Variants in INPP4B observed in about 807,000 individuals in gnomAD.
The protein encoded by INPP4B is inositol polyphosphate 4-phosphatase type II.
INPP4B carries 55 observed loss-of-function variants against 122.5 expected under a neutral mutation model. The ratio of observed to expected loss-of-function variants is 0.45; its 90% confidence interval spans 0.36 to 0.56. INPP4B has a LOEUF of 0.56. INPP4B is among the 20% of genes least tolerant of loss of function. The probability of loss-of-function intolerance (pLI) is 0.00; values close to 1 mark genes in which losing one functional copy is unlikely to be tolerated. For synonymous variants in INPP4B, 403 were observed against 388.7 expected (o/e 1.04, Z -0.43); for missense variants, 1,000 against 1,097.7 (o/e 0.91, Z 1.26).
At chr4:142,214,610 T>A (rs971941999) in intron 12 of INPP4B, among the ~76,000 whole-genome samples, 2 of 152,190 alleles carry the variant, frequency 1.3e-5, no homozygotes, top group Non-Finnish European at 2.9e-5. Context: ...TGAAATACGG[T>A]GGTGTGATCT....
intron 2 of INPP4B, among the ~76,000 whole-genome samples, chr4:142,488,521 A>G (rs1314974886): frequency 6.6e-6 from 1 of 152,076 alleles, no homozygotes; most frequent in African/African-American, 2.4e-5. Context: ...AGTTTTCTCT[A>G]TGAGAATGTT....
At chr4:142,653,180 C>A (rs557811391) in intron 2 of INPP4B, among the ~76,000 whole-genome samples, 1 of 152,256 alleles carries the variant, frequency 6.6e-6, no homozygotes, top group Admixed American at 6.5e-5. Flanking sequence ...ATGCAGAAAG[C>A]TGAAACTGGA....
chr4:142,682,346 G>A (rs1005626710), intron 2 of INPP4B, among the ~76,000 whole-genome samples: 121 of 151,106 alleles, frequency 8.0e-4, no homozygotes, highest in African/African-American at 2.8e-3. Context: ...GCTTGAACAC[G>A]GATTATAAAA....
intron 7 of INPP4B, among the ~76,000 whole-genome samples, chr4:142,386,185 T>C (rs928940256): frequency 4.6e-5 from 7 of 152,168 alleles, no homozygotes; most frequent in African/African-American, 1.7e-4. Context: ...AGGTTCATCC[T>C]TGTTGTCACA....
At chr4:142,066,113 C>G (rs946273458) in intron 25 of INPP4B, among the ~76,000 whole-genome samples, 1 of 152,126 alleles carries the variant, frequency 6.6e-6, no homozygotes, top group South Asian at 2.1e-4. Flanking sequence ...TTATTTCAAC[C>G]CCAAATAATG....
chr4:142,426,698 G>A (rs1368009958), intron 5 of INPP4B: 6 of 151,834 alleles, frequency 4.0e-5, no homozygotes, highest in African/African-American at 1.5e-4. Flanking sequence ...ACTTCAGCAA[G>A]ACATAATTAT....
At chr4:142,407,119 T>C (rs1226197197) in intron 5 of INPP4B, among the ~76,000 whole-genome samples, 4 of 152,246 alleles carry the variant, frequency 2.6e-5, no homozygotes, top group Non-Finnish European at 5.9e-5. Flanking sequence ...AGATTTTCAC[T>C]GTTCTTTGGT....
intron 2 of INPP4B, among the ~76,000 whole-genome samples, chr4:142,612,557 C>T (rs992141191): frequency 5.3e-5 from 8 of 152,130 alleles, no homozygotes; most frequent in African/African-American, 1.4e-4. Flanking sequence ...GGGCCCAATT[C>T]CTGGTTTACA....
Position 142,652,576 on chromosome 4 carries a change from A to G in INPP4B, c.-191+73263T>C, listed in dbSNP as rs190593600. On this transcript the variant is annotated intron_variant, in intron 2 of 25. Coordinates refer to ENST00000262992, the MANE Select transcript of INPP4B (RefSeq NM_001101669.3). ...TCACAAACATTCCTAAACACCAATA[A>G]CAAACAGACAAATCATGAGTGAACT... is the stretch of plus-strand genomic sequence containing the variant. Among the ~76,000 whole-genome samples the G allele has an allele frequency of 1.6e-3, 248 of 152,152 alleles. 2 individuals are homozygous for G. In the East Asian group the frequency reaches 0.016, roughly 10 times the overall value.
intron 11 of INPP4B, among the ~76,000 whole-genome samples, chr4:142,248,958 A>C (rs1421553841): frequency 6.6e-6 from 1 of 152,024 alleles, no homozygotes; most frequent in Admixed American, 6.6e-5. Context: ...CTGCAAATAA[A>C]AAAGCAATGT....
At chr4:142,576,279 T>G (rs528613384) in intron 2 of INPP4B, among the ~76,000 whole-genome samples, 1 of 152,104 alleles carries the variant, frequency 6.6e-6, no homozygotes, top group East Asian at 1.9e-4. Context: ...TAAAAGTGTT[T>G]ATTCCTTGGA....
At chr4:142,229,518 G>C (rs891333602) in intron 12 of INPP4B, among the ~76,000 whole-genome samples, 1 of 152,120 alleles carries the variant, frequency 6.6e-6, no homozygotes, top group Non-Finnish European at 1.5e-5. Context: ...GGTGAATGGT[G>C]TATAAGAAAT....
chr4:142,044,096 T>A (rs2645811), intron 25 of INPP4B, among the ~76,000 whole-genome samples: 79,023 of 152,078 alleles, frequency 0.52, 24,540 homozygotes, highest in Non-Finnish European at 0.68. Flanking sequence ...AGAAAAAATT[T>A]AAAAAGTTAT....
intron 24 of INPP4B, 147 bp from the exon 25 acceptor site, chr4:142,082,332 A>G: frequency 1.7e-6 from 1 of 590,120 alleles, no homozygotes; most frequent in Non-Finnish European, 2.7e-6. Flanking sequence ...AATCGGTCTC[A>G]TCAAATGTAA....
chr4:142,052,459 A>G (rs968792234), intron 25 of INPP4B, among the ~76,000 whole-genome samples: 1 of 152,086 alleles, frequency 6.6e-6, no homozygotes. Context: ...CATGACATCA[A>G]TTTTGCTGTG....
intron 9 of INPP4B, among the ~76,000 whole-genome samples, chr4:142,277,125 C>T (rs1748872454): frequency 6.8e-6 from 1 of 147,930 alleles, no homozygotes; most frequent in Non-Finnish European, 1.5e-5. Flanking sequence ...ATTTGTATAT[C>T]TTCTTTAGAG....
At chr4:142,131,839 C>T (rs1470868728) in intron 18 of INPP4B, among the ~76,000 whole-genome samples, 3 of 152,056 alleles carry the variant, frequency 2.0e-5, no homozygotes, top group Non-Finnish European at 4.4e-5. Context: ...CCTATAATCC[C>T]AGCTACTCAG....
At chr4:142,210,871 T>C (rs1250424257) in intron 12 of INPP4B, among the ~76,000 whole-genome samples, 1 of 152,188 alleles carries the variant, frequency 6.6e-6, no homozygotes, top group African/African-American at 2.4e-5. Context: ...CATTCTGGGA[T>C]ACTGGGGGTG....
chr4:142,086,062 T>G lies in INPP4B; in HGVS notation c.2487+82A>C, dbSNP rs147624045. 536 of 912,670 alleles carry G rather than the reference T, an allele frequency of 5.9e-4. 1 individual carries two copies. In the African/African-American group the frequency reaches 7.1e-3, roughly 12 times the overall value. 56.5% of individuals were successfully genotyped at this position (912,670 alleles called of 1,614,324 possible). On this transcript the variant is annotated intron_variant, in intron 24 of 25. Coordinates refer to ENST00000262992, the MANE Select transcript of INPP4B (RefSeq NM_001101669.3). ...CACCTGGCAACCCAAAGTGCAGAGG[T>G]TGGACCCTGCACAGTAGAGAACTGA...
Sources: allele counts gnomAD v4.1 joint callset (sites outside exome capture counted in the v4.1 genomes callset), GRCh38; gene constraint gnomAD v4.1.1; transcripts MANE v1.5; gene names NCBI Gene and HGNC (gene_info 2026-07-23, HGNC 2026-07-21).